DNAH11: variants seen among roughly 807,000 people sequenced by gnomAD.
The protein encoded by DNAH11 is dynein axonemal heavy chain 11, also known as axonemal beta dynein heavy chain 11.
DNAH11 carries 442 observed loss-of-function variants against 526.0 expected under a neutral mutation model. That is an observed-to-expected ratio of 0.84 (90% confidence interval 0.78 to 0.91). DNAH11 has a LOEUF of 0.91. DNAH11 is among the 40% of genes least tolerant of loss of function. The pLI, the probability that DNAH11 is intolerant of heterozygous loss-of-function variation, is 0.00. For synonymous variants in DNAH11, 2,461 were observed against 1,935.9 expected (o/e 1.27, Z -7.12); for missense variants, 6,989 against 5,448.7 (o/e 1.28, Z -8.90).
intron 25 of DNAH11, among the ~76,000 whole-genome samples, chr7:21,631,037 T>C (rs1373990544): frequency 6.6e-6 from 1 of 152,194 alleles, no homozygotes; most frequent in African/African-American, 2.4e-5. Context: ...AAGAGGTTTA[T>C]TGGACTTACA....
chr7:21,786,157 A>T (rs1788171334), intron 58 of DNAH11, among the ~76,000 whole-genome samples: 1 of 152,148 alleles, frequency 6.6e-6, no homozygotes, highest in Non-Finnish European at 1.5e-5. Context: ...GTAATGGAAG[A>T]TATTTCTTTC....
In DNAH11 at chr7:21,784,531, A is replaced by G; in HGVS notation, c.9588A>G (p.Thr3196=). ...ALVAATAALN[T]LNRVNLSELK... is the part of the protein sequence containing the mutation. ...TGGCTGCTACAGCTGCACTCAATAC[A>G]CTCAACAGGGTAAAGATAATTTATT... The change falls in exon 58 of 82, where the codon ACA becomes ACG. Residue 3196 remains threonine (T), a synonymous_variant. Transcript: ENST00000409508. 6.2e-7 allele frequency: 1 copy of G among 1,607,108 alleles called. No individual in the cohort carries two copies. Among genetic ancestry groups the G allele is most frequent in the Non-Finnish European group, 8.5e-7 (1 of 1,176,504 alleles).
In DNAH11 at chr7:21,842,591, G is replaced by A. The variant is rs34879202; in HGVS notation, c.10739G>A (p.Arg3580His). 22,285 of 1,613,800 alleles carry A rather than the reference G, an allele frequency of 0.014. 184 individuals are homozygous for A. The highest frequency in any genetic ancestry group is 0.017 in the Non-Finnish European group (19,956 of 1,179,802). The change falls in exon 66 of 82, where the codon CGC becomes CAC. Residue 3580 changes from arginine to histidine, a missense_variant. By Grantham distance (29) the Arg-to-His change is conservative. Transcript: ENST00000409508. ...DKECEFNKNF[R>H]LILHTKLANP... ...GAATGTGAATTTAACAAGAACTTTC[G>A]CCTTATCCTTCACACAAAATTGGCA...
chr7:21,559,764 G>T lies in DNAH11; in HGVS notation c.854G>T (p.Arg285Ile). 6.2e-7 allele frequency: 1 copy of T among 1,604,238 alleles called. No homozygotes were observed. Among genetic ancestry groups the T allele is most frequent in the Non-Finnish European group, 8.5e-7 (1 of 1,174,734 alleles). The change falls in exon 4 of 82, where the codon AGA becomes ATA. Residue 285 changes from arginine (R) to isoleucine (I), a missense_variant. Transcript: ENST00000409508. ...QAELDFWMMR[R>I]ENLSCIYDQL... ...GAACTAGATTTCTGGATGATGAGGA[G>T]AGAAAATCTGTCATGCATTTATGAT...
intron 29 of DNAH11, among the ~76,000 whole-genome samples, chr7:21,657,330 C>T (rs1443182647): frequency 1.3e-5 from 2 of 151,984 alleles, no homozygotes; most frequent in African/African-American, 2.4e-5. Context: ...GCTCTTAGGC[C>T]CATTGAGAAA....
intron 30 of DNAH11, among the ~76,000 whole-genome samples, chr7:21,663,248 C>T (rs1036952541): frequency 2.0e-5 from 3 of 151,940 alleles, no homozygotes; most frequent in South Asian, 2.1e-4. Context: ...AGGTTGATTC[C>T]GTAAGTTTGC....
At chr7:21,826,486 G>C (rs1026820986) in intron 65 of DNAH11, among the ~76,000 whole-genome samples, 3 of 152,022 alleles carry the variant, frequency 2.0e-5, no homozygotes, top group Non-Finnish European at 4.4e-5. Flanking sequence ...GATTTGCAGT[G>C]TTATAACAAG....
Position 21,619,194 on chromosome 7 carries a change from A to T in DNAH11, c.4349A>T (p.Lys1450Met). ...GATGATGTCCGAAGGATTGTGGACA[A>T]GGCGGTGAAAGAGCTGGGGACTGAG... is the stretch of plus-strand genomic sequence containing the variant. ...VEDDVRRIVD[K>M]AVKELGTEKV... is the part of the protein sequence containing the mutation. The change falls in exon 24 of 82, where the codon AAG (lysine) becomes ATG (methionine). Residue 1450 changes from lysine (K) to methionine (M), a missense_variant. Transcript: ENST00000409508. The T allele has an allele frequency of 6.2e-7, 1 of 1,613,360 alleles. No homozygotes were observed. Among genetic ancestry groups the T allele is most frequent in the South Asian group, 1.1e-5 (1 of 91,028 alleles).
intron 65 of DNAH11, among the ~76,000 whole-genome samples, chr7:21,831,515 T>C (rs889468735): frequency 3.3e-5 from 5 of 152,144 alleles, no homozygotes; most frequent in Admixed American, 6.5e-5. Context: ...TCTAAACATA[T>C]CAAATAATGT....
intron 61 of DNAH11, among the ~76,000 whole-genome samples, chr7:21,797,063 A>T (rs1788748066): frequency 6.6e-6 from 1 of 152,198 alleles, no homozygotes; most frequent in African/African-American, 2.4e-5. Flanking sequence ...TGAGAAAAGA[A>T]AACAGCAGGA....
At chr7:21,591,095 T>C (rs1360572673) in intron 13 of DNAH11, 73 bp downstream of exon 13, 2 of 1,400,716 alleles carry the variant, frequency 1.4e-6, no homozygotes, top group Non-Finnish European at 1.9e-6. Context: ...TTAATTATTA[T>C]ATAGATCTAT....
intron 44 of DNAH11, among the ~76,000 whole-genome samples, chr7:21,723,905 C>A (rs1235381425): frequency 2.0e-5 from 3 of 152,212 alleles, no homozygotes; most frequent in African/African-American, 7.2e-5. Context: ...TTCTCACTTA[C>A]AGCAAACTTT....
Position 21,871,737 on chromosome 7 carries a change from C to T in DNAH11, c.11968-1537C>T, listed in dbSNP as rs546896975. ...TACTGTATTACTTTGCTAGAGTGGA[C>T]GGCCAACTTTCCGTGTCTTCATGTG... is the stretch of plus-strand genomic sequence containing the variant. On this transcript the variant is annotated intron_variant, in intron 73 of 81. Transcript: ENST00000409508. Among the ~76,000 whole-genome samples the T allele has an allele frequency of 6.6e-5, 10 of 152,154 alleles. No homozygotes were observed. The South Asian group carries it at 8.3e-4, about 13-fold the overall frequency.
chr7:21,869,669 G>A (rs1003151724), intron 73 of DNAH11, among the ~76,000 whole-genome samples: 1 of 152,202 alleles, frequency 6.6e-6, no homozygotes, highest in South Asian at 2.1e-4. Context: ...GCAGGTCAGA[G>A]ATTCTCTGGG....
At chr7:21,768,155 G>A (rs10268039) in intron 55 of DNAH11, among the ~76,000 whole-genome samples, 19,361 of 152,164 alleles carry the variant, frequency 0.13, 1,866 homozygotes, top group African/African-American at 0.26. Context: ...TTGTGTCAAC[G>A]CACACTACCT....
chr7:21,816,123 G>T (rs1789779760), intron 63 of DNAH11, among the ~76,000 whole-genome samples: 2 of 152,114 alleles, frequency 1.3e-5, no homozygotes, highest in South Asian at 4.1e-4. Context: ...GGCATGGATT[G>T]CTCCATGGGC....
chr7:21,543,361 AGGAGAACGAGGAGGAGGC>A lies in DNAH11; in HGVS notation c.119_136del (p.Glu40_Ala45del). ...GGCGCTGTGGAGCTCGAGGAGGAGG[AGGAGAACGAGGAGGAGGC>A]GGCGGCCAGGAGAGCGCGGAGTTTC... On this transcript the variant is annotated inframe_deletion, in exon 1 of 82. Coordinates refer to ENST00000409508, the MANE Select transcript of DNAH11 (RefSeq NM_001277115.2). 6.4e-7 allele frequency: 1 copy of A among 1,551,428 alleles called. No individual in the cohort carries two copies. Among genetic ancestry groups the A allele is most frequent in the Non-Finnish European group, 8.7e-7 (1 of 1,146,790 alleles).
intron 73 of DNAH11, among the ~76,000 whole-genome samples, chr7:21,872,849 C>T (rs1440563289): frequency 1.3e-5 from 2 of 152,078 alleles, no homozygotes; most frequent in Non-Finnish European, 2.9e-5. Flanking sequence ...CATCAGAAAC[C>T]AATGAAGAGG....
At chr7:21,580,065 G>A (rs1583498911) in intron 8 of DNAH11, among the ~76,000 whole-genome samples, 1 of 152,190 alleles carries the variant, frequency 6.6e-6, no homozygotes, top group East Asian at 1.9e-4. Context: ...GAACAAATTA[G>A]GTATGAATTT....
Sources: allele counts gnomAD v4.1 joint callset (sites outside exome capture counted in the v4.1 genomes callset), GRCh38; gene constraint gnomAD v4.1.1; transcripts MANE v1.5; gene names NCBI Gene and HGNC (gene_info 2026-07-23, HGNC 2026-07-21).